Variants in FGD5 observed in about 807,000 individuals in gnomAD.
The protein encoded by FGD5 is FYVE, RhoGEF and PH domain-containing protein 5.
Under a neutral mutation model 133.4 loss-of-function variants are expected in FGD5, and 28 were observed. That is an observed-to-expected ratio of 0.21 (90% CI 0.16 to 0.29). The LOEUF is 0.29. FGD5 is among the 10% of genes least tolerant of loss of function. The pLI, the probability that FGD5 is intolerant of heterozygous loss-of-function variation, is 1.00. For missense variants in FGD5, 1,858 were observed against 1,895.2 expected (o/e 0.98, Z 0.36); for synonymous variants, 810 against 776.5 (o/e 1.04, Z -0.72).
intron 1 of FGD5, among the ~76,000 whole-genome samples, chr3:14,863,216 G>A (rs1302681127): frequency 6.6e-6 from 1 of 152,234 alleles, no homozygotes; most frequent in Admixed American, 6.5e-5. Flanking sequence ...TGAGTAGGAA[G>A]AAAGGTTTGT....
At chr3:14,890,809 C>T (rs1040605831) in intron 4 of FGD5, among the ~76,000 whole-genome samples, 4 of 152,188 alleles carry the variant, frequency 2.6e-5, no homozygotes, top group African/African-American at 7.2e-5. Context: ...CAAATACAGC[C>T]GGTCTTGTCT....
intron 1 of FGD5, among the ~76,000 whole-genome samples, chr3:14,839,405 GT>G (rs2036874753): frequency 6.6e-6 from 1 of 152,190 alleles, no homozygotes. Flanking sequence ...GGTAGGGGGT[GT>G]CCCAGAAGGT....
chr3:14,895,758 G>A (rs929477132), intron 4 of FGD5, among the ~76,000 whole-genome samples: 1 of 151,920 alleles, frequency 6.6e-6, no homozygotes, highest in African/African-American at 2.4e-5. Context: ...TTGTAAAGAT[G>A]GGGTTTTGCC....
rs369657276 is a variant in FGD5, at chr3:14,892,734, A to G, written c.2749-4775A>G. ...TTCAGAAGGCTGAGACAGGAGAATC[A>G]CTTGGACCTGGGAGGCAGAGGTTGC... On this transcript the variant is annotated intron_variant, in intron 4 of 19. Coordinates refer to ENST00000285046, the MANE Select transcript of FGD5 (RefSeq NM_152536.4). Among the ~76,000 whole-genome samples, 177 of 152,126 alleles carry G rather than the reference A, an allele frequency of 1.2e-3. 2 individuals are homozygous for G. The South Asian group carries it at 0.019, about 16-fold the overall frequency.
At chr3:14,910,456 A>G (rs1329662138) in intron 10 of FGD5, among the ~76,000 whole-genome samples, 2 of 152,214 alleles carry the variant, frequency 1.3e-5, no homozygotes, top group Non-Finnish European at 2.9e-5. Flanking sequence ...TAAGTTGCCC[A>G]GGCTGGTCTT....
intron 4 of FGD5, among the ~76,000 whole-genome samples, chr3:14,891,925 CTCTT>C (rs1387898160): frequency 2.0e-5 from 3 of 151,860 alleles, no homozygotes; most frequent in East Asian, 1.9e-4. Context: ...CTCTCTCTCT[CTCTT>C]TCTTTTTCTC....
chr3:14,888,442 G>A (rs2037965405), intron 4 of FGD5, among the ~76,000 whole-genome samples: 1 of 152,214 alleles, frequency 6.6e-6, no homozygotes, highest in Non-Finnish European at 1.5e-5. Flanking sequence ...CAGCTGTGCA[G>A]TAGGTGCCCA....
chr3:14,877,217 A>G (rs2037736676), intron 2 of FGD5, among the ~76,000 whole-genome samples: 1 of 152,258 alleles, frequency 6.6e-6, no homozygotes. Context: ...CAACGCCCAG[A>G]AGCAGTTTCT....
chr3:14,836,654 TGAGGCCAA>T (rs1442243093), intron 1 of FGD5, among the ~76,000 whole-genome samples: 1 of 152,134 alleles, frequency 6.6e-6, no homozygotes, highest in South Asian at 2.1e-4. Flanking sequence ...AGGAGAAACC[TGAGGCCAA>T]GAGGGGAAGA....
chr3:14,855,425 A>G (rs770012410), intron 1 of FGD5, among the ~76,000 whole-genome samples: 10 of 152,122 alleles, frequency 6.6e-5, no homozygotes, highest in Non-Finnish European at 1.2e-4. Flanking sequence ...TCTTTGAGGA[A>G]TCTCCATATT....
At chr3:14,822,115 AAG>A (rs2036516888) in intron 1 of FGD5, among the ~76,000 whole-genome samples, 1 of 148,970 alleles carries the variant, frequency 6.7e-6, no homozygotes, top group Non-Finnish European at 1.5e-5. Flanking sequence ...ATAAAAAAAA[AAG>A]AAAAGAAAAA....
intron 4 of FGD5, among the ~76,000 whole-genome samples, chr3:14,893,801 C>T (rs1299954497): frequency 8.5e-6 from 1 of 117,228 alleles, no homozygotes; most frequent in Non-Finnish European, 1.6e-5. Flanking sequence ...GTTGCCCAAG[C>T]TGGAGTGCAG....
chr3:14,823,931 G>A (rs538595698), intron 1 of FGD5, among the ~76,000 whole-genome samples: 9 of 152,372 alleles, frequency 5.9e-5, no homozygotes, highest in Non-Finnish European at 1.2e-4. Context: ...CAACGCTAAA[G>A]CTCCTGGATC....
At chr3:14,899,875 C>T (rs1403299481) in intron 7 of FGD5, among the ~76,000 whole-genome samples, 2 of 152,200 alleles carry the variant, frequency 1.3e-5, no homozygotes, top group African/African-American at 2.4e-5. Context: ...GGACATGAGC[C>T]ATATGAAGAT....
At chr3:14,869,458 C>G (rs1160986920) in intron 2 of FGD5, among the ~76,000 whole-genome samples, 1 of 152,132 alleles carries the variant, frequency 6.6e-6, no homozygotes, top group Non-Finnish European at 1.5e-5. Context: ...ATAAAATCCA[C>G]CATCGTAACC....
At chr3:14,830,383 A>G (rs1382819037) in intron 1 of FGD5, among the ~76,000 whole-genome samples, 1 of 152,240 alleles carries the variant, frequency 6.6e-6, no homozygotes, top group Admixed American at 6.5e-5. Context: ...TAAAATTTAC[A>G]GGGAAGGACC....
intron 1 of FGD5, among the ~76,000 whole-genome samples, chr3:14,842,915 C>A (rs776709847): frequency 6.6e-6 from 1 of 152,132 alleles, no homozygotes; most frequent in Non-Finnish European, 1.5e-5. Context: ...TCTGTCTGTG[C>A]GGTCACCTTG....
chr3:14,864,196 A>G lies in FGD5; in HGVS notation c.2594A>G (p.Asp865Gly), dbSNP rs1330794133. 1.2e-5 allele frequency: 20 copies of G among 1,613,912 alleles called. No individual in the cohort carries two copies. The highest frequency in any genetic ancestry group is 1.6e-5 in the Non-Finnish European group (19 of 1,179,896). The change falls in exon 2 of 20, where the codon GAT becomes GGT. Residue 865 changes from aspartate to glycine, a missense_variant. Physicochemically the swap from Asp to Gly is moderately conservative, Grantham distance 94. Coordinates refer to ENST00000285046, the MANE Select transcript of FGD5 (RefSeq NM_152536.4). ...GCCCCCAAAGAGGACCTTACGTCGG[A>G]TGAAGAGCAGAGAAGCTCGGAGGAG... ...SAAPKEDLTS[D>G]EEQRSSEEED... is the part of the protein sequence containing the mutation.
At chr3:14,869,591 C>T (rs1359146012) in intron 2 of FGD5, among the ~76,000 whole-genome samples, 1 of 152,200 alleles carries the variant, frequency 6.6e-6, no homozygotes, top group Non-Finnish European at 1.5e-5. Context: ...TAGACACTGA[C>T]TCCCCATTCC....
Sources: gnomAD v4.1 joint callset for allele counts (sites outside exome capture counted in the v4.1 genomes callset) on GRCh38, gnomAD v4.1.1 for gene constraint, MANE v1.5 for transcripts, NCBI Gene and HGNC (gene_info 2026-07-23, HGNC 2026-07-21) for gene names.